Variants in DMD observed in about 807,000 individuals in gnomAD.
DMD encodes dystrophin, also known as mutant dystrophin.
Under a neutral mutation model 330.1 loss-of-function variants are expected in DMD, and 63 were observed. The ratio of observed to expected loss-of-function variants is 0.19; its 90% CI spans 0.16 to 0.24. The LOEUF (loss-of-function observed/expected upper bound fraction) is 0.24, where lower values mean the gene tolerates loss of function less well. Among genes scored for constraint, DMD ranks in the 10% least tolerant of loss-of-function variants. The pLI, the probability that DMD is intolerant of heterozygous loss-of-function variation, is 1.00. For synonymous variants in DMD, 1,223 were observed against 959.8 expected, an observed-to-expected ratio of 1.27 and a Z score of -5.07; for missense variants, 3,344 against 2,684.1, an observed-to-expected ratio of 1.25 and a Z score of -5.43.
intron 60 of DMD, among the ~76,000 whole-genome samples, chrX:31,379,912 T>C (rs770262595): frequency 9.0e-6 from 1 of 111,442 alleles, no homozygotes; most frequent in Non-Finnish European, 1.9e-5. Context: ...CCAGAGCCCC[T>C]GGAACTCTGG....
At chrX:31,926,079 A>C (rs1287180910) in intron 47 of DMD, among the ~76,000 whole-genome samples, 1 of 110,572 alleles carries the variant, frequency 9.0e-6, no homozygotes, top group Non-Finnish European at 1.9e-5. Context: ...AATATTAAAA[A>C]CACCTGAGTC....
At chrX:33,241,498 T>G (rs1033856494) in intron 1 of DMD, among the ~76,000 whole-genome samples, 3 of 111,738 alleles carry the variant, frequency 2.7e-5, no homozygotes, top group African/African-American at 9.8e-5. Flanking sequence ...TGACACCAGT[T>G]TTGTTCTTTT....
chrX:32,552,203 C>T (rs777914343), intron 16 of DMD, among the ~76,000 whole-genome samples: 1 of 111,861 alleles, frequency 8.9e-6, no homozygotes, highest in East Asian at 2.8e-4. Flanking sequence ...CTGGAACCAT[C>T]CCATTGCCTG....
intron 4 of DMD, among the ~76,000 whole-genome samples, chrX:32,825,875 G>C (rs991959711): frequency 9.0e-6 from 1 of 111,618 alleles, no homozygotes; most frequent in Admixed American, 9.5e-5. Context: ...AAAATGGAGA[G>C]TAATCGTTTA....
intron 7 of DMD, among the ~76,000 whole-genome samples, chrX:32,714,436 T>C (rs181958344): frequency 8.9e-6 from 1 of 111,933 alleles, no homozygotes; most frequent in Non-Finnish European, 1.9e-5. Context: ...TTTCTGTTTC[T>C]GACTTATTTC....
chrX:32,809,919 C>CAAAA (rs55898363), intron 6 of DMD, among the ~76,000 whole-genome samples: 295 of 28,490 alleles, frequency 0.01, no homozygotes, highest in Middle Eastern at 0.024. Flanking sequence ...TTGTTTCTAC[C>CAAAA]AAAAAAAAAA....
chrX:32,048,904 G>A (rs751989615), intron 44 of DMD, among the ~76,000 whole-genome samples: 1 of 111,507 alleles, frequency 9.0e-6, no homozygotes, highest in African/African-American at 3.3e-5. Flanking sequence ...GTCTCAAGTG[G>A]TGTGTGTATG....
At chrX:33,256,237 T>C (rs1416330568) in intron 1 of DMD, among the ~76,000 whole-genome samples, 1 of 111,234 alleles carries the variant, frequency 9.0e-6, no homozygotes, top group Non-Finnish European at 1.9e-5. Context: ...TGCCAGATAA[T>C]TTTGAACTAG....
intron 50 of DMD, among the ~76,000 whole-genome samples, chrX:31,809,680 T>G (rs780321452): frequency 1.4e-4 from 15 of 111,071 alleles, no homozygotes; most frequent in South Asian, 1.1e-3. Flanking sequence ...AAAGCAGAGG[T>G]TCTCAAATTT....
intron 62 of DMD, among the ~76,000 whole-genome samples, chrX:31,312,381 G>T (rs1417092884): frequency 8.9e-6 from 1 of 112,471 alleles, no homozygotes; most frequent in Non-Finnish European, 1.9e-5. Context: ...GATCATCAGA[G>T]AAATGCAAAT....
chrX:31,512,266 T>C (rs2071694009), intron 55 of DMD, among the ~76,000 whole-genome samples: 1 of 108,544 alleles, frequency 9.2e-6, no homozygotes, highest in South Asian at 4.1e-4. Context: ...TGCGAAAATT[T>C]TCTCCCATGT....
chrX:31,825,047 ATCAC>A (rs1466997935), intron 49 of DMD, among the ~76,000 whole-genome samples: 1 of 112,080 alleles, frequency 8.9e-6, no homozygotes, highest in Non-Finnish European at 1.9e-5. Flanking sequence ...CTTGGAAGTC[ATCAC>A]TCACGGAAGA....
rs1018570574 is a variant in DMD at position 33,283,396 on chromosome X, C to T, written c.7+55863G>A. 2.7e-5 allele frequency among the ~76,000 whole-genome samples: 3 copies of T among 109,743 alleles called. No individual in the cohort carries two copies. The Admixed American group carries it at 2.9e-4, about 11-fold the overall frequency. On this transcript the variant is annotated intron_variant, in intron 1 of 17. Transcript: ENST00000288447. ...TCTACTAAAAATACAAAAAATTAGC[C>T]GAGCGTGGTGGTGGGCACTCGGGAG...
At chrX:31,469,034 G>A (rs1290499952) in intron 59 of DMD, among the ~76,000 whole-genome samples, 2 of 108,829 alleles carry the variant, frequency 1.8e-5, no homozygotes, top group African/African-American at 3.4e-5. Context: ...AATATTCATC[G>A]ATCCCTTTAT....
At chrX:33,040,013 G>A (rs1284714825) in intron 1 of DMD, among the ~76,000 whole-genome samples, 1 of 111,094 alleles carries the variant, frequency 9.0e-6, no homozygotes, top group Non-Finnish European at 1.9e-5. Flanking sequence ...AGTAGTCATC[G>A]TAGGAGCAGG....
chrX:31,787,983 A>C (rs2091394908), intron 50 of DMD, among the ~76,000 whole-genome samples: 1 of 112,153 alleles, frequency 8.9e-6, no homozygotes, highest in Admixed American at 9.5e-5. Context: ...ATCCCTGCCA[A>C]ACCATCTCAA....
intron 35 of DMD, 27 bp downstream of exon 35, chrX:32,364,993 G>A: frequency 8.3e-7 from 1 of 1,205,864 alleles, no homozygotes; most frequent in Non-Finnish European, 1.1e-6. Flanking sequence ...AGAGAAGGGT[G>A]TAAAAGCTTC....
At chrX:32,560,564 C>A (rs748267711) in intron 16 of DMD, among the ~76,000 whole-genome samples, 54 of 110,628 alleles carry the variant, frequency 4.9e-4, no homozygotes, top group Non-Finnish European at 7.6e-5. Flanking sequence ...AGCCCAGCAT[C>A]CGTTAGCTAT....
At chrX:32,403,710 A>G (rs1037359177) in intron 30 of DMD, among the ~76,000 whole-genome samples, 5 of 112,093 alleles carry the variant, frequency 4.5e-5, no homozygotes, top group South Asian at 3.6e-4. Context: ...TTTCAATGTT[A>G]GAACAGATTC....
Sources: gnomAD v4.1 joint callset for allele counts (sites outside exome capture counted in the v4.1 genomes callset) on GRCh38, gnomAD v4.1.1 for gene constraint, MANE v1.5 for transcripts, NCBI Gene and HGNC (gene_info 2026-07-23, HGNC 2026-07-21) for gene names.